Variants in MRPL20 observed in about 807,000 individuals in gnomAD.
The protein encoded by MRPL20 is large ribosomal subunit protein bL20m.
MRPL20 carries 21 observed loss-of-function variants against 20.0 expected under a neutral mutation model. The ratio of observed to expected loss-of-function variants is 1.05; its 90% CI spans 0.74 to 1.51. The LOEUF is 1.51. Among genes scored for constraint, MRPL20 ranks in the 40% most tolerant of loss-of-function variants. MRPL20 has a pLI of 0.00. For missense variants in MRPL20, 252 were observed against 185.6 expected (o/e 1.36, Z -2.08); for synonymous variants, 104 against 73.0 (o/e 1.43, Z -2.17).
chr1:1,406,017 C>T (rs1288193055), intron 2 of MRPL20, 131 bp from the exon 3 acceptor site: 3 of 1,321,838 alleles, frequency 2.3e-6, no homozygotes, highest in Admixed American at 5.2e-5. Flanking sequence ...ATGGTGCCAT[C>T]ACTCTGGCCT....
chr1:1,405,662 G>A, intron 3 of MRPL20, 147 bp downstream of exon 3: 17 of 1,416,604 alleles, frequency 1.2e-5, no homozygotes, highest in Non-Finnish European at 1.7e-5. Context: ...CATCAGCATA[G>A]CAAACTACAG....
intron 2 of MRPL20, 112 bp downstream of exon 2, chr1:1,406,797 T>C (rs1645388810): frequency 5.5e-6 from 5 of 907,010 alleles, no homozygotes; most frequent in Admixed American, 5.5e-5. Context: ...AAGCAAGGTA[T>C]GAAAGGAAGG....
chr1:1,407,002 T>C lies in MRPL20; in HGVS notation c.105A>G (p.Lys35=). The change falls in exon 2 of 4, where the codon AAA becomes AAG. Residue 35 remains lysine, a synonymous_variant. Coordinates refer to ENST00000344843, the MANE Select transcript of MRPL20 (RefSeq NM_017971.4). The part of the protein sequence containing the change: ...LKHARHFRGR[K]NRCYRLAVRT... ...TGACCGCCAACCTGTAGCAGCGATT[T>C]TTCCTTCCCCGGAAGTGCTGGGACA... 6.2e-7 allele frequency: 1 copy of C among 1,613,792 alleles called. No individual in the cohort carries two copies. The highest frequency in any genetic ancestry group is 8.5e-7 in the Non-Finnish European group (1 of 1,179,730).
intron 3 of MRPL20, 50 bp downstream of exon 3, chr1:1,405,759 G>A: frequency 6.2e-7 from 1 of 1,614,054 alleles, no homozygotes; most frequent in Non-Finnish European, 8.5e-7. Flanking sequence ...CCGCATGATG[G>A]TTTCTGCAGA....
chr1:1,405,499 A>G (rs1052700825), intron 3 of MRPL20: 1 of 604,366 alleles, frequency 1.7e-6, no homozygotes, highest in East Asian at 2.7e-5. Context: ...TGTTGCTGGC[A>G]CTATTCCTAG....
intron 3 of MRPL20, among the ~76,000 whole-genome samples, chr1:1,404,935 C>A (rs1040671694): frequency 2.0e-5 from 3 of 152,160 alleles, no homozygotes; most frequent in Non-Finnish European, 2.9e-5. Context: ...GAGTGGCACT[C>A]CTCGCCTCTG....
chr1:1,405,881 C>T lies in MRPL20; in HGVS notation c.204G>A (p.Trp68Ter). Residue 68 changes from tryptophan (W) to a stop codon, truncating the protein, a stop_gained, in exon 3 of 4, where the codon TGG becomes TGA. Transcript: ENST00000344843. LOFTEE classifies it high-confidence loss of function. Reference sequence around the variant, plus strand: ...GGCTAGCAGCTGTAATTCGATTAATCCAGAGCTGAAATAAGAAAACATGAA... The same window carrying T: ...GGCTAGCAGCTGTAATTCGATTAATTCAGAGCTGAAATAAGAAAACATGAA... ...YLKKKNMRTL[W>*]INRITAASQE... The T allele has an allele frequency of 1.2e-6, 2 of 1,609,038 alleles. No homozygotes were observed. Among genetic ancestry groups the T allele is most frequent in the Non-Finnish European group, 1.7e-6 (2 of 1,176,010 alleles).
intron 2 of MRPL20, 42 bp from the exon 3 acceptor site, chr1:1,405,928 G>GC (rs1557751333): frequency 1.3e-6 from 2 of 1,588,168 alleles, no homozygotes; most frequent in Non-Finnish European, 1.7e-6. Flanking sequence ...ATGACTTCTG[G>GC]ATGTTATGTC....
intron 2 of MRPL20, chr1:1,406,656 A>C (rs1024621925): frequency 2.0e-6 from 1 of 501,750 alleles, no homozygotes; most frequent in Non-Finnish European, 3.5e-6. Context: ...ACGCAGGGAG[A>C]GTGTCAAGGC....
intron 3 of MRPL20, among the ~76,000 whole-genome samples, chr1:1,402,868 C>A (rs1645346344): frequency 6.6e-6 from 1 of 152,172 alleles, no homozygotes; most frequent in Non-Finnish European, 1.5e-5. Flanking sequence ...GTGGCTCATG[C>A]CTGTAATCTG....
Position 1,407,234 on chromosome 1 carries a change from C to A in MRPL20, c.-17G>T, listed in dbSNP as rs766210901. On this transcript the variant is annotated 5_prime_UTR_variant, in exon 1 of 4. Transcript: ENST00000344843. Reference sequence around the variant, plus strand: ...GAAGACCATGGCGCCTGCAGGCCGGCGTCCCGAACACTCAACAACGCACGC... The same window carrying A: ...GAAGACCATGGCGCCTGCAGGCCGGAGTCCCGAACACTCAACAACGCACGC... 9 of 1,579,052 alleles carry A rather than the reference C, an allele frequency of 5.7e-6. No individual in the cohort carries two copies. Among genetic ancestry groups the A allele is most frequent in the Middle Eastern group, 1.7e-4 (1 of 5,796 alleles).
rs559001206 is a variant in MRPL20, at chr1:1,404,738, A to T, written c.276+1071T>A. Among the ~76,000 whole-genome samples, 97 of 152,108 alleles carry T rather than the reference A, an allele frequency of 6.4e-4. No individual in the cohort carries two copies. In the Middle Eastern group the frequency reaches 0.014, roughly 21 times the overall value. On this transcript the variant is annotated intron_variant, in intron 3 of 3. Coordinates refer to ENST00000344843, the MANE Select transcript of MRPL20 (RefSeq NM_017971.4). ...ATGGTCTCAATATCCTGACCTCATG[A>T]TCTGTCCGCCTCAGCCTTCCAAAGT...
chr1:1,407,292 ATGG>A (rs1645395142), exon 1 of MRPL20: 1 of 1,359,274 alleles, frequency 7.4e-7, no homozygotes, highest in East Asian at 2.5e-5. Context: ...CGGGTCGGAA[ATGG>A]TGGTCACGAG....
intron 3 of MRPL20, among the ~76,000 whole-genome samples, chr1:1,403,757 A>G (rs1421003620): frequency 6.6e-6 from 1 of 152,140 alleles, no homozygotes; most frequent in Non-Finnish European, 1.5e-5. Flanking sequence ...ACTTGCATAA[A>G]CCATCCGTTC....
chr1:1,406,986 A>T lies in MRPL20; in HGVS notation c.121T>A (p.Leu41Met). 2 of 1,613,846 alleles carry T rather than the reference A, an allele frequency of 1.2e-6. No individual in the cohort carries two copies. The highest frequency in any genetic ancestry group is 1.7e-6 in the Non-Finnish European group (2 of 1,179,778). Reference protein sequence around the residue: ...FRGRKNRCYRLAVRTVIRAFV... With the variant: ...FRGRKNRCYRMAVRTVIRAFV... ...GCTCGAATCACGGTTCTGACCGCCA[A>T]CCTGTAGCAGCGATTTTTCCTTCCC... Residue 41 changes from leucine (L) to methionine (M), a missense_variant, in exon 2 of 4, where the codon TTG becomes ATG. Transcript: ENST00000344843.
chr1:1,404,085 C>G (rs113272711), intron 3 of MRPL20, among the ~76,000 whole-genome samples: 3,162 of 151,956 alleles, frequency 0.021, 81 homozygotes, highest in African/African-American at 0.056. Flanking sequence ...GTGATCAGCC[C>G]GCCTCTGCCT....
rs375943251 is a variant in MRPL20 at position 1,407,105 on chromosome 1, G to A, written c.87+26C>T. ...CCGCGGGATACCCCGGGCGCCCAGTGCCCAGGCCGGGCAGGCGGCACTCAC... is the reference window on the plus strand; with the variant it reads ...CCGCGGGATACCCCGGGCGCCCAGTACCCAGGCCGGGCAGGCGGCACTCAC... On this transcript the variant is annotated intron_variant, in intron 1 of 3. Transcript: ENST00000344843. 26 of 1,609,200 alleles carry A rather than the reference G, an allele frequency of 1.6e-5. No homozygotes were observed. The African/African-American group carries it at 3.2e-4, about 20-fold the overall frequency.
At chr1:1,406,158 C>G in intron 2 of MRPL20, 1 of 379,194 alleles carries the variant, frequency 2.6e-6, no homozygotes, top group Non-Finnish European at 4.8e-6. Context: ...GAGTTCGAGA[C>G]CAGCCTGACC....
chr1:1,406,912 C>T lies in MRPL20; in HGVS notation c.195G>A (p.Arg65=), dbSNP rs757664432. 4.3e-6 allele frequency: 7 copies of T among 1,612,478 alleles called. No homozygotes were observed. The highest frequency in any genetic ancestry group is 4.0e-5 in the African/African-American group (3 of 74,892). Residue 65 remains arginine (R), a synonymous_variant, in exon 2 of 4, where the codon AGG becomes AGA. Transcript: ENST00000344843. ...GGTGTCCCGGGTCCACGCTTACGGT[C>T]CTCATGTTCTTTTTCTTCAGGTATC... The part of the protein sequence containing the change: ...KARYLKKKNM[R]TLWINRITAA...
Sources: gnomAD v4.1 joint callset for allele counts (sites outside exome capture counted in the v4.1 genomes callset) on GRCh38, gnomAD v4.1.1 for gene constraint, MANE v1.5 for transcripts, NCBI Gene and HGNC (gene_info 2026-07-23, HGNC 2026-07-21) for gene names.